LGALS9: variants seen among roughly 807,000 people sequenced by gnomAD.
LGALS9 encodes the protein galectin 9.
A neutral mutation model predicts 35.9 loss-of-function variants in LGALS9; 26 were observed. The ratio of observed to expected loss-of-function variants is 0.72; its 90% confidence interval spans 0.53 to 1.01. The LOEUF is 1.01. LGALS9 is among the 50% of genes least tolerant of loss of function. The probability of loss-of-function intolerance (pLI) is 0.00; values close to 1 mark genes in which losing one functional copy is unlikely to be tolerated. For synonymous variants in LGALS9, 149 were observed against 172.2 expected (o/e 0.87, Z 1.06); for missense variants, 347 against 445.8 (o/e 0.78, Z 1.99).
At chr17:27,647,863 A>G (rs1271695803) in intron 10 of LGALS9, among the ~76,000 whole-genome samples, 8 of 152,268 alleles carry the variant, frequency 5.3e-5, no homozygotes, top group Non-Finnish European at 1.0e-4. Flanking sequence ...AAGAACAAGG[A>G]AAGTAAAGCA....
At chr17:27,645,684 T>C (rs1038381099) in intron 6 of LGALS9, 177 bp from the exon 7 acceptor site, 3 of 616,264 alleles carry the variant, frequency 4.9e-6, no homozygotes, top group Admixed American at 3.1e-5. Context: ...GTTCTAACCT[T>C]TGCCCCTCGC....
intron 7 of LGALS9, 146 bp from the exon 8 acceptor site, chr17:27,646,401 G>C: frequency 1.6e-6 from 2 of 1,269,246 alleles, no homozygotes; most frequent in Non-Finnish European, 2.3e-6. Flanking sequence ...AACATGAAAA[G>C]GGAGGTAGAC....
rs562534494 is a variant in LGALS9 at position 27,647,303 on chromosome 17, C to T, written c.792C>T (p.Ile264=). Residue 264 remains isoleucine, a synonymous_variant, in exon 10 of 11, where the codon ATC becomes ATT. Transcript: ENST00000395473. ...FHINLCSGNH[I]AFHLNPRFDE... ...TCAACCTGTGCTCTGGGAACCACAT[C>T]GCCTTCCACCTGAACCCCCGTTTTG... 5.6e-6 allele frequency: 9 copies of T among 1,614,186 alleles called. No individual in the cohort carries two copies. The highest frequency in any genetic ancestry group is 3.3e-5 in the Admixed American group (2 of 60,020).
At chr17:27,641,125 G>A (rs1191906607) in intron 3 of LGALS9, 12 of 445,562 alleles carry the variant, frequency 2.7e-5, no homozygotes, top group African/African-American at 6.0e-5. Flanking sequence ...CAGCGACATC[G>A]TTCCAGCCTT....
chr17:27,647,207 G>A, intron 9 of LGALS9, 63 bp from the exon 10 acceptor site: 12 of 1,613,650 alleles, frequency 7.4e-6, no homozygotes, highest in Admixed American at 1.7e-5. Flanking sequence ...GGCTACTGAT[G>A]ATGGGGAGGA....
intron 1 of LGALS9, among the ~76,000 whole-genome samples, chr17:27,637,023 G>A (rs1393817647): frequency 6.6e-6 from 1 of 151,976 alleles, no homozygotes; most frequent in African/African-American, 2.4e-5. Context: ...CACCTGCCTG[G>A]CTCCTTTAGG....
chr17:27,640,539 C>A, intron 2 of LGALS9, 33 bp from the exon 3 acceptor site: 2 of 1,613,556 alleles, frequency 1.2e-6, no homozygotes, highest in Middle Eastern at 1.7e-4. Flanking sequence ...ATAATCCATG[C>A]CACAGAAGAC....
At chr17:27,639,731 A>AGGAGTGCACTATGAT (rs1904334989) in intron 2 of LGALS9, among the ~76,000 whole-genome samples, 1 of 151,812 alleles carries the variant, frequency 6.6e-6, no homozygotes, top group South Asian at 2.1e-4. Flanking sequence ...TATGATGCCC[A>AGGAGTGCACTATGAT]GCTAATTATT....
At chr17:27,643,737 C>T in intron 5 of LGALS9, 117 bp downstream of exon 5, 2 of 1,435,056 alleles carry the variant, frequency 1.4e-6, no homozygotes, top group African/African-American at 1.4e-5. Flanking sequence ...TCTTGCCCAC[C>T]CAAGAGTTCC....
At chr17:27,646,664 A>G (rs1598189914) in intron 8 of LGALS9, 76 bp downstream of exon 8, 1 of 1,603,330 alleles carries the variant, frequency 6.2e-7, no homozygotes, top group Non-Finnish European at 8.5e-7. Flanking sequence ...CTGTGGGGGG[A>G]TCCACTGGCC....
Position 27,643,530 on chromosome 17 carries a change from C to G in LGALS9, c.450C>G (p.Pro150=), listed in dbSNP as rs759090013. ...GGTGCCTTTTGTTTTAACAGAACCC[C>G]CGCACAGTCCCTGTTCAGCCTGCCT... ...VQLSYISFQN[P]RTVPVQPAFS... is the part of the protein sequence containing the mutation. Residue 150 remains proline, a synonymous_variant, in exon 5 of 11, where the codon CCC becomes CCG. Transcript: ENST00000395473. 6.2e-6 allele frequency: 10 copies of G among 1,611,804 alleles called. No homozygotes were observed. The highest frequency in any genetic ancestry group is 8.5e-6 in the Non-Finnish European group (10 of 1,179,780).
intron 4 of LGALS9, among the ~76,000 whole-genome samples, chr17:27,643,258 G>A (rs142502468): frequency 1.5e-4 from 23 of 152,062 alleles, no homozygotes; most frequent in Non-Finnish European, 2.9e-4. Context: ...TGGGCTTCTC[G>A]CCCTTTGGTC....
chr17:27,646,550 C>A lies in LGALS9; in HGVS notation c.631C>A (p.Pro211Thr). Residue 211 changes from proline (P) to threonine (T), a missense_variant, in exon 8 of 11, where the codon CCC becomes ACC. Transcript: ENST00000395473. ...QSAPGQMFST[P>T]AIPPMMYPHP... ...TTTCCTGGTTTCTTTTCAACAGACT[C>A]CCGCCATCCCACCTATGATGTACCC... 4 of 1,612,124 alleles carry A rather than the reference C, an allele frequency of 2.5e-6. No individual in the cohort carries two copies. The highest frequency in any genetic ancestry group is 3.4e-6 in the Non-Finnish European group (4 of 1,179,888).
Position 27,631,246 on chromosome 17 carries a change from G to T in LGALS9, c.-20G>T. The T allele has an allele frequency of 6.2e-7, 1 of 1,614,198 alleles. No homozygotes were observed. Among genetic ancestry groups the T allele is most frequent in the Non-Finnish European group, 8.5e-7 (1 of 1,180,018 alleles). On this transcript the variant is annotated 5_prime_UTR_variant, in exon 1 of 11. Transcript: ENST00000395473. ...CTAGTGGGTGTGAAAGGCAGCGGTGGCCACAGAGGCGGCGGAGAGATGGCC... is the reference window on the plus strand; with the variant it reads ...CTAGTGGGTGTGAAAGGCAGCGGTGTCCACAGAGGCGGCGGAGAGATGGCC...
At chr17:27,645,084 G>T (rs139007274) in intron 5 of LGALS9, 2 of 728,328 alleles carry the variant, frequency 2.7e-6, no homozygotes, top group African/African-American at 1.8e-5. Flanking sequence ...CCTCTCTCTC[G>T]AGAGGAACCA....
intron 10 of LGALS9, among the ~76,000 whole-genome samples, chr17:27,647,822 G>C (rs1336286136): frequency 6.6e-6 from 1 of 152,258 alleles, no homozygotes; most frequent in African/African-American, 2.4e-5. Context: ...ACAGGGTCCT[G>C]CCTCCAGGGA....
At position 27,643,523 on chromosome 17, in the gene LGALS9, A is replaced by C; in HGVS notation, c.445-2A>C. 6 of 1,611,830 alleles carry C rather than the reference A, an allele frequency of 3.7e-6. No individual in the cohort carries two copies. Among genetic ancestry groups the C allele is most frequent in the Non-Finnish European group, 4.2e-6 (5 of 1,179,738 alleles). On this transcript the variant is annotated splice_acceptor_variant, in intron 4 of 10. Transcript: ENST00000395473. LOFTEE classifies it high-confidence loss of function. ...ACTGCCCGGTGCCTTTTGTTTTAACAGAACCCCCGCACAGTCCCTGTTCAG... is the reference window on the plus strand; with the variant it reads ...ACTGCCCGGTGCCTTTTGTTTTAACCGAACCCCCGCACAGTCCCTGTTCAG...
intron 2 of LGALS9, among the ~76,000 whole-genome samples, chr17:27,639,822 C>T (rs1178205686): frequency 2.0e-5 from 3 of 152,092 alleles, no homozygotes; most frequent in Non-Finnish European, 2.9e-5. Flanking sequence ...CTACAACCTC[C>T]GCCTCCTGGG....
intron 3 of LGALS9, among the ~76,000 whole-genome samples, chr17:27,641,788 A>G (rs1174289593): frequency 2.6e-5 from 4 of 152,070 alleles, no homozygotes; most frequent in Non-Finnish European, 4.4e-5. Context: ...AGCCTGGCCA[A>G]CATGGTGAAA....
Sources: allele counts gnomAD v4.1 joint callset (sites outside exome capture counted in the v4.1 genomes callset), GRCh38; gene constraint gnomAD v4.1.1; transcripts MANE v1.5; gene names NCBI Gene and HGNC (gene_info 2026-07-23, HGNC 2026-07-21).